The following CYP2C19 variants were observed in gnomAD, a reference collection of about 807,000 sequenced individuals.
The protein encoded by CYP2C19 is cytochrome P450 2C19.
A neutral mutation model predicts 40.9 loss-of-function variants in CYP2C19; 59 were observed. That is an observed-to-expected ratio of 1.44 (90% CI 1.17 to 1.79). The LOEUF (loss-of-function observed/expected upper bound fraction) is 1.79, where lower values mean the gene tolerates loss of function less well. Among genes scored for constraint, CYP2C19 ranks in the 40% most tolerant of loss-of-function variants. CYP2C19 has a pLI of 0.00. For missense variants in CYP2C19, 754 were observed against 596.9 expected, an observed-to-expected ratio of 1.26 and a Z score of -2.74; for synonymous variants, 253 against 208.7, an observed-to-expected ratio of 1.21 and a Z score of -1.83.
At chr10:94,849,580 AT>A (rs1166193377) in intron 7 of CYP2C19, among the ~76,000 whole-genome samples, 1 of 149,958 alleles carries the variant, frequency 6.7e-6, no homozygotes, top group Non-Finnish European at 1.5e-5. Flanking sequence ...TGCTGCACCC[AT>A]TAACTCATCA....
intron 1 of CYP2C19, among the ~76,000 whole-genome samples, chr10:94,769,812 C>A (rs1393858758): frequency 6.6e-6 from 1 of 152,098 alleles, no homozygotes; most frequent in Non-Finnish European, 1.5e-5. Context: ...TTCCAGTGCC[C>A]AGACTTCAGG....
At chr10:94,773,681 C>T (rs1848366253) in intron 1 of CYP2C19, among the ~76,000 whole-genome samples, 1 of 152,140 alleles carries the variant, frequency 6.6e-6, no homozygotes, top group Admixed American at 6.5e-5. Context: ...GTTGTTCGTT[C>T]CTCCTGGTGG....
chr10:94,811,651 T>A (rs998922553), intron 5 of CYP2C19, among the ~76,000 whole-genome samples: 2 of 152,130 alleles, frequency 1.3e-5, no homozygotes, highest in Non-Finnish European at 2.9e-5. Context: ...CCCCTTTTTT[T>A]AATCTTTGTT....
intron 1 of CYP2C19, among the ~76,000 whole-genome samples, chr10:94,765,610 T>C (rs560557857): frequency 1.6e-4 from 24 of 151,990 alleles, no homozygotes; most frequent in Non-Finnish European, 2.6e-4. Flanking sequence ...AAGAGAGTGA[T>C]TGAAAGGGGA....
chr10:94,786,106 T>A (rs967264940), intron 5 of CYP2C19, among the ~76,000 whole-genome samples: 1 of 152,048 alleles, frequency 6.6e-6, no homozygotes. Flanking sequence ...TCTCCTTTCT[T>A]CTGTTATTAA....
At chr10:94,790,391 G>C (rs915226283) in intron 5 of CYP2C19, among the ~76,000 whole-genome samples, 1 of 152,096 alleles carries the variant, frequency 6.6e-6, no homozygotes. Flanking sequence ...TATTGAATAG[G>C]AGTGGTGAGA....
chr10:94,845,411 C>T (rs1325180665), intron 7 of CYP2C19, among the ~76,000 whole-genome samples: 1 of 152,104 alleles, frequency 6.6e-6, no homozygotes, highest in Admixed American at 6.6e-5. Context: ...AGCTCACATA[C>T]TATACAAAAA....
In CYP2C19 at chr10:94,851,930, G is replaced by A. The variant is rs556692407; in HGVS notation, c.1292-803G>A. Among the ~76,000 whole-genome samples, 7 of 152,178 alleles carry A rather than the reference G, an allele frequency of 4.6e-5. No homozygotes were observed. In the South Asian group the frequency reaches 1.5e-3, roughly 32 times the overall value. On this transcript the variant is annotated intron_variant, in intron 8 of 8. Coordinates refer to ENST00000371321, the MANE Select transcript of CYP2C19 (RefSeq NM_000769.4). ...TGAACATGATGTTGAGGAATCCCAG[G>A]GAAACGAACATTTTCTTGCTCAGTG... is the stretch of plus-strand genomic sequence containing the variant.
chr10:94,828,150 G>A (rs186575758), intron 6 of CYP2C19, among the ~76,000 whole-genome samples: 2 of 152,082 alleles, frequency 1.3e-5, no homozygotes, highest in Non-Finnish European at 2.9e-5. Context: ...TTGATTTGGG[G>A]TGGAGAGTTC....
rs112842539 is a variant in CYP2C19 at position 94,798,144 on chromosome 10, G to A, written c.819+16147G>A. ...TGCATATTTAGTGCTATAAATTTCC[G>A]TCTACACACTGCTTTAAATGTGTCC... On this transcript the variant is annotated intron_variant, in intron 5 of 8. Transcript: ENST00000371321. Among the ~76,000 whole-genome samples the A allele has an allele frequency of 2.6e-3, 399 of 151,922 alleles. 2 individuals carry two copies. Among genetic ancestry groups the A allele is most frequent in the African/African-American group, 8.1e-3 (336 of 41,478 alleles).
chr10:94,853,821 C>G lies in CYP2C19; in HGVS notation c.*907C>G, dbSNP rs1219057023. Among the ~76,000 whole-genome samples the G allele has an allele frequency of 6.6e-6, 1 of 152,100 alleles. No homozygotes were observed. The highest frequency in any genetic ancestry group is 2.4e-5 in the African/African-American group (1 of 41,428). On this transcript the variant is annotated 3_prime_UTR_variant, in exon 9 of 9. Transcript: ENST00000371321. The stretch of plus-strand genomic sequence containing the variant: ...TCAGCCTCCCAAAGTGCTGGGATTA[C>G]AGGAGTGAGACACTGTGCCTGGTCT...
At chr10:94,844,514 A>G (rs913879501) in intron 7 of CYP2C19, among the ~76,000 whole-genome samples, 1 of 152,220 alleles carries the variant, frequency 6.6e-6, no homozygotes. Context: ...TCTAGTTGCC[A>G]TCTCAAACCT....
chr10:94,832,717 T>C (rs1304008771), intron 6 of CYP2C19, among the ~76,000 whole-genome samples: 1 of 152,212 alleles, frequency 6.6e-6, no homozygotes, highest in Non-Finnish European at 1.5e-5. Flanking sequence ...TTTTGTTTTT[T>C]TTGCTTATGA....
At chr10:94,849,027 G>A (rs1024669308) in intron 7 of CYP2C19, among the ~76,000 whole-genome samples, 11 of 152,142 alleles carry the variant, frequency 7.2e-5, no homozygotes, top group African/African-American at 2.4e-4. Flanking sequence ...CTGCAAACAG[G>A]GACAATTAGA....
intron 6 of CYP2C19, among the ~76,000 whole-genome samples, chr10:94,825,508 G>GT: frequency 7.0e-6 from 1 of 142,284 alleles, no homozygotes; most frequent in East Asian, 2.1e-4. Context: ...GGGGTTGTTT[G>GT]TTTTTTTCTT....
chr10:94,802,775 C>T (rs987851810), intron 5 of CYP2C19, among the ~76,000 whole-genome samples: 1 of 152,054 alleles, frequency 6.6e-6, no homozygotes, highest in Non-Finnish European at 1.5e-5. Context: ...GTAAGGCAGG[C>T]CTGGTGGTGA....
intron 6 of CYP2C19, among the ~76,000 whole-genome samples, chr10:94,830,500 C>G (rs551458723): frequency 6.6e-6 from 1 of 152,192 alleles, no homozygotes; most frequent in Admixed American, 6.5e-5. Flanking sequence ...GGCAATGCCT[C>G]GCCCTGCTTC....
intron 6 of CYP2C19, among the ~76,000 whole-genome samples, chr10:94,832,586 G>C (rs935938279): frequency 6.6e-6 from 1 of 152,062 alleles, no homozygotes; most frequent in South Asian, 2.1e-4. Flanking sequence ...GTGTGAAATT[G>C]TTTCTGGATT....
intron 5 of CYP2C19, among the ~76,000 whole-genome samples, chr10:94,791,347 T>C (rs1208328611): frequency 6.6e-6 from 1 of 152,064 alleles, no homozygotes; most frequent in Non-Finnish European, 1.5e-5. Context: ...TTTTGAAGGG[T>C]TTTCTGTGTC....
Sources: gnomAD v4.1 joint callset for allele counts (sites outside exome capture counted in the v4.1 genomes callset) on GRCh38, gnomAD v4.1.1 for gene constraint, MANE v1.5 for transcripts, NCBI Gene and HGNC (gene_info 2026-07-23, HGNC 2026-07-21) for gene names.